The following ACVR1C variants were observed in gnomAD, a reference collection of about 807,000 sequenced individuals.
ACVR1C encodes activin A receptor type 1C.
Under a neutral mutation model 57.9 loss-of-function variants are expected in ACVR1C, and 23 were observed. The observed-to-expected ratio is 0.40, with a 90% CI of 0.29 to 0.56. The LOEUF is 0.56. Ranked by LOEUF, ACVR1C falls within the 20% of genes least tolerant of loss-of-function variation. The probability of loss-of-function intolerance (pLI) is 0.50; values close to 1 mark genes in which losing one functional copy is unlikely to be tolerated. For synonymous variants in ACVR1C, 214 were observed against 215.3 expected, an observed-to-expected ratio of 0.99 and a Z score of 0.05; for missense variants, 480 against 607.9, an observed-to-expected ratio of 0.79 and a Z score of 2.21.
intron 5 of ACVR1C, among the ~76,000 whole-genome samples, chr2:157,543,758 T>C (rs1054042147): frequency 6.6e-6 from 1 of 152,192 alleles, no homozygotes; most frequent in African/African-American, 2.4e-5. Flanking sequence ...AAGTACATGA[T>C]ATACAAATAT....
chr2:157,562,348 C>A (rs1178857397), intron 2 of ACVR1C, among the ~76,000 whole-genome samples: 2 of 145,098 alleles, frequency 1.4e-5, no homozygotes, highest in Non-Finnish European at 3.0e-5. Context: ...ATATGGAAAA[C>A]TTTAAGATTG....
chr2:157,556,745 C>T (rs1351663345), intron 2 of ACVR1C, among the ~76,000 whole-genome samples: 1 of 146,858 alleles, frequency 6.8e-6, no homozygotes, highest in African/African-American at 2.5e-5. Flanking sequence ...CTCACTGTAA[C>T]CTCCACCTCC....
chr2:157,619,645 C>T (rs1214251029), intron 1 of ACVR1C, among the ~76,000 whole-genome samples: 1 of 151,820 alleles, frequency 6.6e-6, no homozygotes, highest in East Asian at 1.9e-4. Flanking sequence ...AAACTCTGAC[C>T]CTTTGAGAAA....
intron 8 of ACVR1C, among the ~76,000 whole-genome samples, chr2:157,534,629 T>C (rs1331373920): frequency 6.6e-6 from 1 of 152,148 alleles, no homozygotes; most frequent in Non-Finnish European, 1.5e-5. Context: ...CAATAAAAAT[T>C]ATGATCCAAG....
At chr2:157,561,082 A>G (rs781448392) in intron 2 of ACVR1C, among the ~76,000 whole-genome samples, 6 of 152,204 alleles carry the variant, frequency 3.9e-5, no homozygotes, top group Non-Finnish European at 7.3e-5. Context: ...ACAAACAAAG[A>G]AAAAACAGAG....
At chr2:157,617,522 A>C (rs1338309228) in intron 1 of ACVR1C, among the ~76,000 whole-genome samples, 1 of 152,052 alleles carries the variant, frequency 6.6e-6, no homozygotes, top group African/African-American at 2.4e-5. Flanking sequence ...GACATGAGGG[A>C]GCTCACTGTG....
chr2:157,600,699 T>C (rs1682259457), intron 1 of ACVR1C, among the ~76,000 whole-genome samples: 1 of 152,182 alleles, frequency 6.6e-6, no homozygotes, highest in Non-Finnish European at 1.5e-5. Context: ...AATAAGAAGC[T>C]GATCTAGCTA....
At chr2:157,550,920 A>G (rs963487043) in intron 3 of ACVR1C, among the ~76,000 whole-genome samples, 4 of 152,210 alleles carry the variant, frequency 2.6e-5, no homozygotes, top group Non-Finnish European at 5.9e-5. Context: ...GTCAAATAAG[A>G]TATCAAATGA....
At position 157,531,509 on chromosome 2, in the gene ACVR1C, T is replaced by A. The variant is rs1041749320; in HGVS notation, c.*2409A>T. 6.6e-6 allele frequency: 1 copy of A among 152,022 alleles called. No individual in the cohort carries two copies. Among genetic ancestry groups the A allele is most frequent in the African/African-American group, 2.4e-5 (1 of 41,434 alleles). The allele number at this position is 152,022 out of a possible 1,614,324, so 9.4% of individuals were successfully genotyped here. On this transcript the variant is annotated 3_prime_UTR_variant, in exon 9 of 9. Transcript: ENST00000243349. ...AACATAATGACAAGAAAAATGGAGA[T>A]GGTAAAAAATCCTCTCTTAAAAATT... is the stretch of plus-strand genomic sequence containing the variant.
At chr2:157,622,209 A>G (rs764398978) in intron 1 of ACVR1C, among the ~76,000 whole-genome samples, 3 of 152,202 alleles carry the variant, frequency 2.0e-5, no homozygotes, top group Non-Finnish European at 4.4e-5. Context: ...TGGAAAACCA[A>G]GAAGATACTA....
chr2:157,565,404 A>T (rs770190321), intron 2 of ACVR1C, among the ~76,000 whole-genome samples: 2 of 151,894 alleles, frequency 1.3e-5, no homozygotes, highest in African/African-American at 4.8e-5. Flanking sequence ...CTTCGTAGTG[A>T]CCATTGTAAA....
intron 3 of ACVR1C, 105 bp from the exon 4 acceptor site, chr2:157,550,497 T>A: frequency 9.9e-7 from 1 of 1,010,944 alleles, no homozygotes; most frequent in Non-Finnish European, 1.5e-6. Flanking sequence ...TTAAATGCTT[T>A]AATAATTTTA....
At position 157,587,217 on chromosome 2, in the gene ACVR1C, A is replaced by G; in HGVS notation, c.274T>C (p.Cys92Arg). 1 of 1,613,556 alleles carries G rather than the reference A, an allele frequency of 6.2e-7. No individual in the cohort carries two copies. The highest frequency in any genetic ancestry group is 8.5e-7 in the Non-Finnish European group (1 of 1,179,506). Residue 92 changes from cysteine to arginine, a missense_variant, in exon 2 of 9, where the codon TGC (cysteine) becomes CGC (arginine). Transcript: ENST00000243349. ...GGAAGGTGCAGTGTTATGTTGTTGCAAAAATCTGTGAAGCAGCATTCGGTT... is the reference window on the plus strand; with the variant it reads ...GGAAGGTGCAGTGTTATGTTGTTGCGAAAATCTGTGAAGCAGCATTCGGTT... ...TKTECCFTDF[C>R]NNITLHLPTA...
intron 3 of ACVR1C, among the ~76,000 whole-genome samples, chr2:157,552,122 G>T (rs1013187425): frequency 6.6e-6 from 1 of 151,978 alleles, no homozygotes; most frequent in African/African-American, 2.4e-5. Context: ...TTTGTTTGTT[G>T]GTTTGTTTTG....
intron 2 of ACVR1C, among the ~76,000 whole-genome samples, chr2:157,561,360 A>G (rs2105229834): frequency 1.3e-5 from 2 of 152,348 alleles, no homozygotes; most frequent in South Asian, 4.1e-4. Context: ...CTCAGGTAAC[A>G]CACCAACCAA....
intron 1 of ACVR1C, among the ~76,000 whole-genome samples, chr2:157,609,581 C>G (rs753014925): frequency 6.9e-4 from 105 of 152,098 alleles, no homozygotes; most frequent in Admixed American, 1.2e-3. Context: ...AAGTCTCCCA[C>G]TATTATTGTA....
rs1271063814 is a variant in ACVR1C at position 157,548,578 on chromosome 2, G to T, written c.775+1584C>A. On this transcript the variant is annotated intron_variant, in intron 4 of 8. Coordinates refer to ENST00000243349, the MANE Select transcript of ACVR1C (RefSeq NM_145259.3). ...ACAGCATGGTACTGGTACCAAAACA[G>T]AGATATAGATCAATGGAACAGAACA... Among the ~76,000 whole-genome samples, 11 of 151,280 alleles carry T rather than the reference G, an allele frequency of 7.3e-5. No individual in the cohort carries two copies. The East Asian group carries it at 2.1e-3, about 29-fold the overall frequency.
rs561747905 is a variant in ACVR1C, at chr2:157,597,555, C to G, written c.74-10138G>C. On this transcript the variant is annotated intron_variant, in intron 1 of 8. Transcript: ENST00000243349. ...GGCTCGGCCACCTGCCCGACGGCAG[C>G]GCAACCCCCAGGAGACGTTCTCCGA... The G allele has an allele frequency of 1.0e-5, 10 of 985,460 alleles. 1 individual carries two copies. The East Asian group carries it at 1.1e-3, about 112-fold the overall frequency. 61.0% of individuals were successfully genotyped at this position (985,460 alleles called of 1,614,324 possible).
At chr2:157,576,112 T>G (rs1688643281) in intron 2 of ACVR1C, among the ~76,000 whole-genome samples, 1 of 151,924 alleles carries the variant, frequency 6.6e-6, no homozygotes, top group African/African-American at 2.4e-5. Flanking sequence ...TGCTCAACAT[T>G]GGCACCCCCA....
Sources: gnomAD v4.1 joint callset for allele counts (sites outside exome capture counted in the v4.1 genomes callset) on GRCh38, gnomAD v4.1.1 for gene constraint, MANE v1.5 for transcripts, NCBI Gene and HGNC (gene_info 2026-07-23, HGNC 2026-07-21) for gene names.